The following PROS1 variants were observed in gnomAD, a reference collection of about 807,000 sequenced individuals.
PROS1 encodes the protein vitamin K-dependent protein S.
Under a neutral mutation model 75.9 loss-of-function variants are expected in PROS1, and 29 were observed. That is an observed-to-expected ratio of 0.38 (90% CI 0.28 to 0.52). The LOEUF is 0.52. Among genes scored for constraint, PROS1 ranks in the 20% least tolerant of loss-of-function variants. The probability of loss-of-function intolerance (pLI) is 0.83; values close to 1 mark genes in which losing one functional copy is unlikely to be tolerated. For synonymous variants in PROS1, 245 were observed against 280.6 expected (o/e 0.87, Z 1.27); for missense variants, 680 against 810.3 (o/e 0.84, Z 1.95).
chr3:93,875,552 G>T (rs1708169817), intron 14 of PROS1, among the ~76,000 whole-genome samples: 1 of 152,084 alleles, frequency 6.6e-6, no homozygotes, highest in African/African-American at 2.4e-5. Flanking sequence ...GTAGTAGGTA[G>T]ATTTCAATAT....
At chr3:93,882,595 G>A (rs548222430) in intron 12 of PROS1, among the ~76,000 whole-genome samples, 1 of 152,304 alleles carries the variant, frequency 6.6e-6, no homozygotes, top group African/African-American at 2.4e-5. Flanking sequence ...GACAGGAAAT[G>A]CCATGCAATT....
At chr3:93,961,277 G>C (rs1378223832) in intron 1 of PROS1, among the ~76,000 whole-genome samples, 1 of 152,178 alleles carries the variant, frequency 6.6e-6, no homozygotes, top group Non-Finnish European at 1.5e-5. Context: ...AAGAGATAAG[G>C]CTGGAATCCC....
intron 6 of PROS1, among the ~76,000 whole-genome samples, chr3:93,904,764 A>G (rs1325390886): frequency 6.6e-6 from 1 of 152,160 alleles, no homozygotes; most frequent in Non-Finnish European, 1.5e-5. Context: ...ATACTTGAAG[A>G]TTTAGTCATA....
intron 1 of PROS1, among the ~76,000 whole-genome samples, chr3:93,932,666 C>A (rs1321685925): frequency 6.6e-6 from 1 of 152,112 alleles, no homozygotes; most frequent in Non-Finnish European, 1.5e-5. Flanking sequence ...GTATTCACAG[C>A]CTTCATATGT....
intron 9 of PROS1, among the ~76,000 whole-genome samples, chr3:93,895,096 C>T (rs929101531): frequency 6.6e-6 from 1 of 152,070 alleles, no homozygotes; most frequent in Non-Finnish European, 1.5e-5. Flanking sequence ...TACTTTAAGT[C>T]GTCTCTACAT....
At chr3:93,917,242 G>C (rs1407725547) in intron 3 of PROS1, among the ~76,000 whole-genome samples, 1 of 152,204 alleles carries the variant, frequency 6.6e-6, no homozygotes, top group Non-Finnish European at 1.5e-5. Context: ...CCTTTAGGCA[G>C]TCATTCTAAT....
At chr3:93,950,508 G>A (rs112157425) in intron 1 of PROS1, among the ~76,000 whole-genome samples, 5 of 152,234 alleles carry the variant, frequency 3.3e-5, no homozygotes, top group East Asian at 1.9e-4. Flanking sequence ...GTGAGGCAGC[G>A]ACATTTGCCG....
At chr3:93,875,141 G>C (rs1325670606) in intron 14 of PROS1, among the ~76,000 whole-genome samples, 26 of 152,152 alleles carry the variant, frequency 1.7e-4, no homozygotes, top group Non-Finnish European at 1.0e-4. Flanking sequence ...TGAGCTCATA[G>C]CATTTGTTAA....
At chr3:93,967,241 G>A (rs1486203866) in intron 1 of PROS1, among the ~76,000 whole-genome samples, 5 of 152,128 alleles carry the variant, frequency 3.3e-5, no homozygotes, top group South Asian at 2.1e-4. Flanking sequence ...CAGATTATCC[G>A]GTAGATTGTT....
intron 11 of PROS1, among the ~76,000 whole-genome samples, chr3:93,885,401 C>G (rs1259424455): frequency 6.6e-6 from 1 of 151,864 alleles, no homozygotes; most frequent in Non-Finnish European, 1.5e-5. Flanking sequence ...AATTTTTGTA[C>G]TTTTAGTAGA....
chr3:93,906,070 A>C lies in PROS1; in HGVS notation c.420T>G (p.Ser140=), dbSNP rs200181798. The C allele has an allele frequency of 3.1e-6, 5 of 1,614,196 alleles. No individual in the cohort carries two copies. Among genetic ancestry groups the C allele is most frequent in the Admixed American group, 1.7e-5 (1 of 60,024 alleles). ...AACCTGGTTTACAAGTGCAAGTAAA[A>C]GAAGCTTTTCCATCTTTGCAGCTCA... The part of the protein sequence containing the change: ...GYMSCKDGKA[S]FTCTCKPGWQ... Residue 140 remains serine, a synonymous_variant, in exon 5 of 15, where the codon TCT becomes TCG. Transcript: ENST00000394236.
At chr3:93,911,618 C>T (rs1200434466) in intron 3 of PROS1, among the ~76,000 whole-genome samples, 2 of 152,154 alleles carry the variant, frequency 1.3e-5, no homozygotes, top group Non-Finnish European at 2.9e-5. Flanking sequence ...GGGACTGCTT[C>T]CAAGATGGAG....
intron 1 of PROS1, among the ~76,000 whole-genome samples, chr3:93,963,693 G>T (rs566966427): frequency 2.4e-5 from 3 of 127,014 alleles, no homozygotes; most frequent in Non-Finnish European, 3.6e-5. Context: ...GAATGGGAGC[G>T]CGAGCTAGAA....
At chr3:93,896,084 A>C (rs1393426600) in intron 9 of PROS1, among the ~76,000 whole-genome samples, 1 of 152,232 alleles carries the variant, frequency 6.6e-6, no homozygotes, top group East Asian at 1.9e-4. Flanking sequence ...TAAGTACGAT[A>C]ATAATGGATA....
intron 1 of PROS1, among the ~76,000 whole-genome samples, chr3:93,939,458 G>A (rs1175816935): frequency 6.6e-6 from 1 of 151,964 alleles, no homozygotes; most frequent in Non-Finnish European, 1.5e-5. Flanking sequence ...TCCCCGCCAG[G>A]CTGAATCAGG....
At position 93,949,016 on chromosome 3, in the gene PROS1, A is replaced by T. The variant is rs74456906; in HGVS notation, c.77-21609T>A. Among the ~76,000 whole-genome samples, 494 of 152,348 alleles carry T rather than the reference A, an allele frequency of 3.2e-3. 1 individual carries two copies. The highest frequency in any genetic ancestry group is 3.8e-3 in the Non-Finnish European group (261 of 68,028). ...AAGCATGGCACAGTAACAGAATAAC[A>T]GTTCATGGAACATGTGTTTATCAGG... On this transcript the variant is annotated intron_variant, in intron 1 of 14. Coordinates refer to ENST00000394236, the MANE Select transcript of PROS1 (RefSeq NM_000313.4).
At chr3:93,895,047 G>A (rs1382331620) in intron 9 of PROS1, among the ~76,000 whole-genome samples, 9 of 151,998 alleles carry the variant, frequency 5.9e-5, no homozygotes, top group Admixed American at 5.9e-4. Flanking sequence ...ATATAGAATG[G>A]CATAGTATTT....
intron 1 of PROS1, among the ~76,000 whole-genome samples, chr3:93,969,413 A>G (rs1440400241): frequency 1.3e-5 from 2 of 151,924 alleles, no homozygotes; most frequent in Non-Finnish European, 2.9e-5. Flanking sequence ...GAATATGTAG[A>G]CTTTTCTTAT....
intron 1 of PROS1, chr3:93,928,660 C>A: frequency 8.9e-6 from 7 of 787,994 alleles, no homozygotes; most frequent in South Asian, 1.7e-5. Flanking sequence ...AATAACATAA[C>A]AAAGTTCAAT....
Sources: allele counts gnomAD v4.1 joint callset (sites outside exome capture counted in the v4.1 genomes callset), GRCh38; gene constraint gnomAD v4.1.1; transcripts MANE v1.5; gene names NCBI Gene and HGNC (gene_info 2026-07-23, HGNC 2026-07-21).